GSDMC: variants seen among roughly 807,000 people sequenced by gnomAD.
The protein encoded by GSDMC is gasdermin C.
GSDMC carries 59 observed loss-of-function variants against 58.0 expected under a neutral mutation model. That is an observed-to-expected ratio of 1.02 (90% CI 0.82 to 1.26). The LOEUF (loss-of-function observed/expected upper bound fraction) is 1.26. Ranked by LOEUF, GSDMC falls within the 50% of genes most tolerant of loss-of-function variation. The pLI is 0.00. For missense variants in GSDMC, 659 were observed against 598.5 expected, an observed-to-expected ratio of 1.10 and a Z score of -1.06; for synonymous variants, 241 against 220.2, an observed-to-expected ratio of 1.09 and a Z score of -0.83.
chr8:129,729,898 A>T, the GSDMC span: 2 of 1,200,216 alleles, frequency 1.7e-6, no homozygotes, highest in Middle Eastern at 2.8e-4. Context: ...ACTGAGATTA[A>T]TCTGGTGACT....
intron 3 of GSDMC, among the ~76,000 whole-genome samples, chr8:129,771,536 T>C (rs1357718131): frequency 1.3e-5 from 2 of 152,032 alleles, no homozygotes; most frequent in African/African-American, 4.8e-5. Flanking sequence ...TTCACAAATA[T>C]GTGGAAATTA....
At chr8:129,776,063 A>G in intron 3 of GSDMC, 39 bp downstream of exon 3, 1 of 1,488,324 alleles carries the variant, frequency 6.7e-7, no homozygotes, top group Non-Finnish European at 9.2e-7. Flanking sequence ...ACCCCCTGGG[A>G]TACTGATGAT....
At chr8:129,757,633 T>C (rs939120543) in intron 6 of GSDMC, among the ~76,000 whole-genome samples, 1 of 152,060 alleles carries the variant, frequency 6.6e-6, no homozygotes, top group Non-Finnish European at 1.5e-5. Context: ...GCAATATCTC[T>C]GATGAATATT....
the GSDMC span, among the ~76,000 whole-genome samples, chr8:129,737,535 T>C: frequency 1.3e-5 from 2 of 152,046 alleles, no homozygotes; most frequent in Non-Finnish European, 2.9e-5. Flanking sequence ...AAACAAGAAA[T>C]GGGGAAAGAA....
the GSDMC span, among the ~76,000 whole-genome samples, chr8:129,742,248 A>G: frequency 6.6e-6 from 1 of 152,040 alleles, no homozygotes; most frequent in Non-Finnish European, 1.5e-5. Flanking sequence ...ACCATAGTTA[A>G]TCGCTGAGAG....
intron 3 of GSDMC, among the ~76,000 whole-genome samples, chr8:129,767,877 T>C (rs1051355914): frequency 6.6e-6 from 1 of 152,076 alleles, no homozygotes; most frequent in Non-Finnish European, 1.5e-5. Flanking sequence ...CCTAAAGCCC[T>C]GCCCAATTAT....
At chr8:129,709,173 C>CT in the GSDMC span, among the ~76,000 whole-genome samples, 3,901 of 147,748 alleles carry the variant, frequency 0.026, 67 homozygotes, top group Middle Eastern at 0.14. Context: ...ATTCCCCCTT[C>CT]TTTTTTTTTT....
At chr8:129,764,859 C>CT (rs1288727113) in intron 4 of GSDMC, among the ~76,000 whole-genome samples, 1 of 152,166 alleles carries the variant, frequency 6.6e-6, no homozygotes, top group Non-Finnish European at 1.5e-5. Context: ...TTTGGGGGTT[C>CT]TTGTTTCTAG....
At chr8:129,750,182 C>A in intron 11 of GSDMC, 63 bp from the exon 12 acceptor site, 1 of 1,316,890 alleles carries the variant, frequency 7.6e-7, no homozygotes, top group Non-Finnish European at 1.0e-6. Context: ...TATAATTTGC[C>A]TGTGTCTACT....
At chr8:129,716,241 A>G in the GSDMC span, among the ~76,000 whole-genome samples, 11 of 152,234 alleles carry the variant, frequency 7.2e-5, no homozygotes, top group African/African-American at 2.4e-4. Context: ...AGCAAGACAC[A>G]ATCATATGCT....
chr8:129,739,409 A>G, the GSDMC span, among the ~76,000 whole-genome samples: 1 of 152,218 alleles, frequency 6.6e-6, no homozygotes, highest in Admixed American at 6.5e-5. Context: ...GTTCATTTGT[A>G]TCTCTCCTTT....
At chr8:129,781,931 C>T (rs1006607229) in intron 1 of GSDMC, among the ~76,000 whole-genome samples, 1 of 152,186 alleles carries the variant, frequency 6.6e-6, no homozygotes, top group African/African-American at 2.4e-5. Context: ...TTCTCCTCAT[C>T]ACATGGATCA....
At chr8:129,754,983 G>A (rs1279105374) in intron 6 of GSDMC, among the ~76,000 whole-genome samples, 1 of 152,054 alleles carries the variant, frequency 6.6e-6, no homozygotes, top group Non-Finnish European at 1.5e-5. Context: ...AATAGCCTCA[G>A]AAAGACAAAT....
At position 129,762,640 on chromosome 8, in the gene GSDMC, A is replaced by G; in HGVS notation, c.662T>C (p.Val221Ala). 2 of 1,611,010 alleles carry G rather than the reference A, an allele frequency of 1.2e-6. No homozygotes were observed. The highest frequency in any genetic ancestry group is 1.7e-6 in the Non-Finnish European group (2 of 1,177,150). The stretch of plus-strand genomic sequence containing the variant: ...GCTGCTCCCACCTTTCTCCTTGATA[A>G]CCAGCTGCTTTCTCTTATAAGCCAT... ...MVMAYKRKQLVIKEKAILISD... is the reference protein window; with the variant it reads ...MVMAYKRKQLAIKEKAILISD... Residue 221 changes from valine to alanine, a missense_variant, in exon 5 of 14, where the codon GTT becomes GCT. Val to Ala is a moderately conservative substitution (Grantham distance 64, BLOSUM62 0). Transcript: ENST00000276708.
chr8:129,749,855 A>T (rs941178897), intron 12 of GSDMC, 135 bp downstream of exon 12: 7 of 710,534 alleles, frequency 9.9e-6, no homozygotes, highest in Non-Finnish European at 1.4e-5. Context: ...CTCTGACCTT[A>T]GAGAGAGCTG....
chr8:129,755,164 T>A (rs1353820217), intron 6 of GSDMC, among the ~76,000 whole-genome samples: 1 of 152,094 alleles, frequency 6.6e-6, no homozygotes, highest in Non-Finnish European at 1.5e-5. Context: ...CCTCAAGGTG[T>A]CTCATAATCA....
chr8:129,757,062 A>G (rs1586585996), intron 6 of GSDMC, among the ~76,000 whole-genome samples: 1 of 152,094 alleles, frequency 6.6e-6, no homozygotes, highest in East Asian at 1.9e-4. Context: ...ATCAGAGTAG[A>G]AATAAATGAA....
chr8:129,769,640 G>C (rs550475785), intron 3 of GSDMC, among the ~76,000 whole-genome samples: 1 of 151,316 alleles, frequency 6.6e-6, no homozygotes, highest in Non-Finnish European at 1.5e-5. Context: ...CAACTCCCAC[G>C]ATAATGATAT....
At chr8:129,763,915 TG>T (rs1261097425) in intron 4 of GSDMC, among the ~76,000 whole-genome samples, 7 of 152,166 alleles carry the variant, frequency 4.6e-5, no homozygotes, top group African/African-American at 1.4e-4. Context: ...CCTGTCTTTT[TG>T]CTTACTTTTT....
Sources: allele counts gnomAD v4.1 joint callset (sites outside exome capture counted in the v4.1 genomes callset), GRCh38; gene constraint gnomAD v4.1.1; transcripts MANE v1.5; gene names NCBI Gene and HGNC (gene_info 2026-07-23, HGNC 2026-07-21).